The following CYP20A1 variants were observed in gnomAD, a reference collection of about 807,000 sequenced individuals.
The protein encoded by CYP20A1 is cytochrome P450 20A1.
CYP20A1 carries 61 observed loss-of-function variants against 61.4 expected under a neutral mutation model. The observed-to-expected ratio is 0.99, with a 90% CI of 0.81 to 1.23. The LOEUF (loss-of-function observed/expected upper bound fraction) is 1.23. Ranked by LOEUF, CYP20A1 falls within the 50% of genes most tolerant of loss-of-function variation. CYP20A1 has a pLI of 0.00. For synonymous variants in CYP20A1, 193 were observed against 188.2 expected, an observed-to-expected ratio of 1.03 and a Z score of -0.21; for missense variants, 530 against 542.4, an observed-to-expected ratio of 0.98 and a Z score of 0.23.
At chr2:203,242,868 G>A (rs1390946669) in intron 1 of CYP20A1, among the ~76,000 whole-genome samples, 1 of 151,414 alleles carries the variant, frequency 6.6e-6, no homozygotes, top group East Asian at 1.9e-4. Flanking sequence ...CCTTTGCCCT[G>A]TATCCATTTG....
At chr2:203,278,507 TA>T in intron 6 of CYP20A1, 65 bp from the exon 7 acceptor site, 2 of 642,812 alleles carry the variant, frequency 3.1e-6, no homozygotes, top group Non-Finnish European at 5.1e-6. Flanking sequence ...TGCACAGAAT[TA>T]TTTTTTTAAA....
intron 5 of CYP20A1, among the ~76,000 whole-genome samples, chr2:203,271,082 A>ATTT (rs1161241853): frequency 1.6e-3 from 49 of 31,592 alleles, no homozygotes; most frequent in Non-Finnish European, 2.6e-3. Context: ...ATATATATAT[A>ATTT]TTTTTTTTTT....
chr2:203,288,915 T>C (rs1214795120), intron 9 of CYP20A1, among the ~76,000 whole-genome samples: 1 of 152,194 alleles, frequency 6.6e-6, no homozygotes, highest in African/African-American at 2.4e-5. Context: ...GATAAGATCC[T>C]GTATATAGAG....
At chr2:203,282,938 C>T (rs2068103274) in intron 8 of CYP20A1, among the ~76,000 whole-genome samples, 1 of 152,114 alleles carries the variant, frequency 6.6e-6, no homozygotes, top group Non-Finnish European at 1.5e-5. Context: ...TTTCAGTCAT[C>T]ATTTTTAAGA....
At chr2:203,259,065 C>T (rs539876589) in intron 4 of CYP20A1, among the ~76,000 whole-genome samples, 1 of 152,296 alleles carries the variant, frequency 6.6e-6, no homozygotes, top group East Asian at 1.9e-4. Context: ...GTAATTCTGA[C>T]TTCCTTAATC....
chr2:203,254,564 T>A (rs373915286), intron 4 of CYP20A1, among the ~76,000 whole-genome samples: 1 of 149,994 alleles, frequency 6.7e-6, no homozygotes, highest in Non-Finnish European at 1.5e-5. Context: ...AAAAAAAAAA[T>A]TGTTATCATT....
At chr2:203,257,511 C>T (rs776562111) in intron 4 of CYP20A1, among the ~76,000 whole-genome samples, 68 of 150,634 alleles carry the variant, frequency 4.5e-4, no homozygotes, top group African/African-American at 1.1e-3. Context: ...TTTTTTTTGC[C>T]GGTCTCAGTG....
chr2:203,279,934 T>A (rs1017344420), intron 7 of CYP20A1, 125 bp from the exon 8 acceptor site: 1 of 580,760 alleles, frequency 1.7e-6, no homozygotes, highest in African/African-American at 1.9e-5. Flanking sequence ...AGTGAAAACA[T>A]CAAAATGAAA....
intron 1 of CYP20A1, among the ~76,000 whole-genome samples, chr2:203,244,723 G>T (rs991099137): frequency 2.9e-5 from 4 of 137,270 alleles, no homozygotes; most frequent in African/African-American, 5.3e-5. Flanking sequence ...TATCCTGAAT[G>T]AAATAATTCT....
intron 8 of CYP20A1, among the ~76,000 whole-genome samples, chr2:203,280,384 G>T (rs1333748384): frequency 2.0e-5 from 3 of 152,144 alleles, no homozygotes; most frequent in Non-Finnish European, 4.4e-5. Context: ...ACTCCAGCCT[G>T]AAAACAGAGT....
chr2:203,266,400 T>G, intron 4 of CYP20A1, 114 bp from the exon 5 acceptor site: 1 of 866,760 alleles, frequency 1.2e-6, no homozygotes, highest in Non-Finnish European at 1.8e-6. Flanking sequence ...TACCTGAATG[T>G]TGACTTTGGT....
chr2:203,259,929 C>G (rs1055743970), intron 4 of CYP20A1: 2 of 147,844 alleles, frequency 1.4e-5, no homozygotes, highest in African/African-American at 5.0e-5. Flanking sequence ...ACAGGCATAT[C>G]TTTTTATTTT....
chr2:203,272,574 G>GTT, intron 5 of CYP20A1, 96 bp from the exon 6 acceptor site: 5 of 302,456 alleles, frequency 1.7e-5, no homozygotes, highest in Non-Finnish European at 3.0e-5. Context: ...AAAAAAAAGA[G>GTT]TTAAAGAGTT....
chr2:203,282,202 TA>T (rs1038492106), intron 8 of CYP20A1, among the ~76,000 whole-genome samples: 2 of 152,064 alleles, frequency 1.3e-5, no homozygotes, highest in African/African-American at 4.8e-5. Context: ...TATGCTTGGC[TA>T]ATTTTTGTAT....
chr2:203,289,731 A>G, intron 9 of CYP20A1, 34 bp from the exon 10 acceptor site: 2 of 1,288,628 alleles, frequency 1.6e-6, no homozygotes, highest in African/African-American at 1.5e-5. Context: ...GCCTCCCAAA[A>G]TAAACATCTT....
At position 203,300,191 on chromosome 2, in the gene CYP20A1, A is replaced by G. The variant is rs2068965548; in HGVS notation, c.*3283A>G. ...AGGCAGTGTAGAATAACTAATAATG[A>G]TTGGAATCAAGGAAAAGAGAGCATA... On this transcript the variant is annotated 3_prime_UTR_variant, in exon 13 of 13. Transcript: ENST00000356079. Among the ~76,000 whole-genome samples the G allele has an allele frequency of 6.6e-6, 1 of 152,232 alleles. No individual in the cohort carries two copies. Among genetic ancestry groups the G allele is most frequent in the South Asian group, 2.1e-4 (1 of 4,838 alleles).
At position 203,304,325 on chromosome 2, in the gene CYP20A1, G is replaced by A. The variant is rs1051151664; in HGVS notation, c.*7417G>A. Among the ~76,000 whole-genome samples, 2 of 152,122 alleles carry A rather than the reference G, an allele frequency of 1.3e-5. No individual in the cohort carries two copies. Among genetic ancestry groups the A allele is most frequent in the Non-Finnish European group, 2.9e-5 (2 of 68,006 alleles). On this transcript the variant is annotated 3_prime_UTR_variant, in exon 13 of 13. Coordinates refer to ENST00000356079, the MANE Select transcript of CYP20A1 (RefSeq NM_177538.3). ...CGATTCTCCTGCCTCAGCCTCCCGA[G>A]TAGCTGCGACTACAGGCGAGTGCCT...
rs2068959171 is a variant in CYP20A1, at chr2:203,300,038, C to G, written c.*3130C>G. ...TTAGAGTAGCCAATTGATATGTAAACCAAGTGTCAGATCAGATGAGATGAA... is the reference window on the plus strand; with the variant it reads ...TTAGAGTAGCCAATTGATATGTAAAGCAAGTGTCAGATCAGATGAGATGAA... On this transcript the variant is annotated 3_prime_UTR_variant, in exon 13 of 13. Transcript: ENST00000356079. 6.6e-6 allele frequency among the ~76,000 whole-genome samples: 1 copy of G among 152,056 alleles called. No individual in the cohort carries two copies. The highest frequency in any genetic ancestry group is 6.6e-5 in the Admixed American group (1 of 15,254).
chr2:203,263,932 T>G (rs2067234054), intron 4 of CYP20A1, among the ~76,000 whole-genome samples: 1 of 152,130 alleles, frequency 6.6e-6, no homozygotes. Flanking sequence ...TCTTCCTCTG[T>G]AATTGTGGAT....
Sources: allele counts gnomAD v4.1 joint callset (sites outside exome capture counted in the v4.1 genomes callset), GRCh38; gene constraint gnomAD v4.1.1; transcripts MANE v1.5; gene names NCBI Gene and HGNC (gene_info 2026-07-23, HGNC 2026-07-21).